Variants in DLGAP2 observed in about 807,000 individuals in gnomAD.
DLGAP2 encodes DLG associated protein 2, also known as disks large-associated protein 2.
Under a neutral mutation model 100.3 loss-of-function variants are expected in DLGAP2, and 26 were observed. The observed-to-expected ratio is 0.26, with a 90% confidence interval of 0.19 to 0.36. DLGAP2 has a LOEUF of 0.36. DLGAP2 is among the 10% of genes least tolerant of loss of function. The probability of loss-of-function intolerance (pLI) is 1.00; values close to 1 mark genes in which losing one functional copy is unlikely to be tolerated. For missense variants in DLGAP2, 1,858 were observed against 1,453.2 expected (o/e 1.28, Z -4.53); for synonymous variants, 886 against 630.1 (o/e 1.41, Z -6.08).
intron 1 of DLGAP2, among the ~76,000 whole-genome samples, chr8:829,829 G>C (rs1796748940): frequency 6.6e-6 from 1 of 152,096 alleles, no homozygotes; most frequent in Non-Finnish European, 1.5e-5. Flanking sequence ...GTATATTATG[G>C]TGCTTTCCTT....
intron 2 of DLGAP2, among the ~76,000 whole-genome samples, chr8:1,148,862 A>G (rs949990321): frequency 3.3e-5 from 5 of 152,130 alleles, no homozygotes; most frequent in African/African-American, 1.2e-4. Context: ...AATTTTGGCA[A>G]ATGTTTTGTG....
chr8:1,516,251 G>T (rs1269070786), intron 4 of DLGAP2, among the ~76,000 whole-genome samples: 1 of 152,054 alleles, frequency 6.6e-6, no homozygotes, highest in Non-Finnish European at 1.5e-5. Flanking sequence ...GAGTAAATGA[G>T]TGAGTGAAAG....
chr8:1,073,457 A>T (rs1013204655), intron 2 of DLGAP2, among the ~76,000 whole-genome samples: 1 of 152,202 alleles, frequency 6.6e-6, no homozygotes. Context: ...ACAGACATGG[A>T]TATGTAACTC....
At chr8:1,259,194 G>C (rs1009427776) in intron 3 of DLGAP2, among the ~76,000 whole-genome samples, 1 of 152,212 alleles carries the variant, frequency 6.6e-6, no homozygotes, top group Non-Finnish European at 1.5e-5. Flanking sequence ...ATACAGGCTT[G>C]TTGGCTTTAA....
chr8:1,323,073 C>A (rs1385840754), intron 3 of DLGAP2, among the ~76,000 whole-genome samples: 1 of 151,634 alleles, frequency 6.6e-6, no homozygotes, highest in African/African-American at 2.4e-5. Flanking sequence ...CTCTGTTACC[C>A]AGACTGGAGT....
chr8:1,088,835 A>G (rs144405124), intron 2 of DLGAP2, among the ~76,000 whole-genome samples: 826 of 25,660 alleles, frequency 0.032, 16 homozygotes, highest in Middle Eastern at 0.056. Flanking sequence ...AGGCTATGCC[A>G]TTCTCGCTCC....
chr8:1,510,840 T>A (rs1348334172), intron 4 of DLGAP2, among the ~76,000 whole-genome samples: 1 of 152,214 alleles, frequency 6.6e-6, no homozygotes, highest in African/African-American at 2.4e-5. Flanking sequence ...AGGCAAACCT[T>A]GCATTTGACA....
chr8:1,498,520 T>C (rs975756729), intron 3 of DLGAP2, among the ~76,000 whole-genome samples: 3 of 152,188 alleles, frequency 2.0e-5, no homozygotes, highest in African/African-American at 7.2e-5. Context: ...CTCCGTGGTT[T>C]GTAGGGCATG....
chr8:768,761 G>A (rs1030326312), intron 1 of DLGAP2, among the ~76,000 whole-genome samples: 3 of 152,034 alleles, frequency 2.0e-5, no homozygotes, highest in African/African-American at 4.8e-5. Flanking sequence ...GTGCACTCCA[G>A]CATCAAAAAA....
intron 3 of DLGAP2, among the ~76,000 whole-genome samples, chr8:1,283,216 C>T (rs1799855633): frequency 2.0e-5 from 3 of 147,322 alleles, no homozygotes; most frequent in Non-Finnish European, 4.5e-5. Flanking sequence ...GTGACCTGAA[C>T]CCAGCGCCCT....
At chr8:1,695,774 G>A (rs1002483319) in intron 13 of DLGAP2, among the ~76,000 whole-genome samples, 7 of 152,374 alleles carry the variant, frequency 4.6e-5, no homozygotes, top group African/African-American at 1.7e-4. Context: ...CACCTGGCCT[G>A]GCCTGCCCTG....
chr8:859,902 G>A (rs553765641), intron 1 of DLGAP2, among the ~76,000 whole-genome samples: 10 of 152,280 alleles, frequency 6.6e-5, no homozygotes, highest in African/African-American at 2.4e-4. Flanking sequence ...AGACACATGG[G>A]CTTATGTGGG....
intron 1 of DLGAP2, among the ~76,000 whole-genome samples, chr8:896,283 G>T (rs1353064785): frequency 2.0e-5 from 3 of 151,972 alleles, no homozygotes; most frequent in Non-Finnish European, 4.4e-5. Context: ...GTTGGATGGG[G>T]ATAATGGATG....
intron 2 of DLGAP2, among the ~76,000 whole-genome samples, chr8:1,046,141 C>T (rs1288594016): frequency 6.6e-6 from 1 of 152,172 alleles, no homozygotes; most frequent in Non-Finnish European, 1.5e-5. Flanking sequence ...TAAAGTCAGG[C>T]AGTTATTAGC....
intron 2 of DLGAP2, among the ~76,000 whole-genome samples, chr8:1,007,234 T>G (rs1262356691): frequency 6.6e-6 from 1 of 152,186 alleles, no homozygotes; most frequent in Non-Finnish European, 1.5e-5. Context: ...ATACGGTCAG[T>G]CCCACACTCT....
chr8:971,861 G>A (rs566159431), intron 2 of DLGAP2, among the ~76,000 whole-genome samples: 1 of 152,150 alleles, frequency 6.6e-6, no homozygotes, highest in Non-Finnish European at 1.5e-5. Flanking sequence ...TACACAGGGG[G>A]AAGAAAGCTA....
intron 3 of DLGAP2, among the ~76,000 whole-genome samples, chr8:1,414,321 G>A (rs76368378): frequency 6.6e-6 from 1 of 152,338 alleles, no homozygotes; most frequent in East Asian, 1.9e-4. Flanking sequence ...TCAGAATGAG[G>A]CCAACAAGTC....
At chr8:1,047,342 C>A (rs187321754) in intron 2 of DLGAP2, among the ~76,000 whole-genome samples, 1 of 152,138 alleles carries the variant, frequency 6.6e-6, no homozygotes, top group Non-Finnish European at 1.5e-5. Flanking sequence ...TTTTGGGAAA[C>A]GAAGTCTTTC....
rs925186058 is a variant in DLGAP2 at position 1,360,128 on chromosome 8, T to G, written c.106+101245T>G. Among the ~76,000 whole-genome samples, 6 of 152,072 alleles carry G rather than the reference T, an allele frequency of 3.9e-5. No homozygotes were observed. The South Asian group carries it at 1.0e-3, about 26-fold the overall frequency. On this transcript the variant is annotated intron_variant, in intron 3 of 14. Transcript: ENST00000637795. ...TCGGAGGAGAGCGGGTTGCAGGGAC[T>G]TGCCTTCTGGGTGTGACCTTGGTGC... is the stretch of plus-strand genomic sequence containing the variant.
Sources: allele counts gnomAD v4.1 joint callset (sites outside exome capture counted in the v4.1 genomes callset), GRCh38; gene constraint gnomAD v4.1.1; transcripts MANE v1.5; gene names NCBI Gene and HGNC (gene_info 2026-07-23, HGNC 2026-07-21).